Variants in XPO1 observed in about 807,000 individuals in gnomAD.
The protein encoded by XPO1 is exportin-1.
Under a neutral mutation model 133.3 loss-of-function variants are expected in XPO1, and 5 were observed. The observed-to-expected ratio is 0.04, with a 90% CI of 0.02 to 0.08. XPO1 has a LOEUF of 0.08. Among genes scored for constraint, XPO1 ranks in the 10% least tolerant of loss-of-function variants. The pLI is 1.00. For synonymous variants in XPO1, 419 were observed against 408.2 expected, an observed-to-expected ratio of 1.03 and a Z score of -0.32; for missense variants, 506 against 1,267.5, an observed-to-expected ratio of 0.40 and a Z score of 9.12.
intron 4 of XPO1, among the ~76,000 whole-genome samples, chr2:61,503,328 C>G (rs1697632923): frequency 6.6e-6 from 1 of 152,038 alleles, no homozygotes. Context: ...AATCTTGGTT[C>G]ACTGCAACCT....
At position 61,492,498 on chromosome 2, in the gene XPO1, T is replaced by C. The variant is rs755708963; in HGVS notation, c.1567-17A>G. 7 of 1,586,880 alleles carry C rather than the reference T, an allele frequency of 4.4e-6. No homozygotes were observed. The highest frequency in any genetic ancestry group is 6.0e-6 in the Non-Finnish European group (7 of 1,170,812). On this transcript the variant is annotated splice_polypyrimidine_tract_variant and intron_variant, in intron 14 of 24. Coordinates refer to ENST00000401558, the MANE Select transcript of XPO1 (RefSeq NM_003400.4). The surrounding 1 kb of genome is among the most constrained non-coding windows in gnomAD (Gnocchi z 5.6). ...TAATAGATCCTGTAAATAAGACAAA[T>C]TTGTATTATTTATTGTAACAACATA...
intron 24 of XPO1, chr2:61,480,629 A>T (rs1696300918): frequency 7.0e-6 from 1 of 143,850 alleles, no homozygotes; most frequent in Non-Finnish European, 1.5e-5. Flanking sequence ...TTTTTACAGT[A>T]AAAAAAAAAA....
intron 2 of XPO1, among the ~76,000 whole-genome samples, chr2:61,529,814 A>G (rs1699075357): frequency 6.6e-6 from 1 of 152,210 alleles, no homozygotes; most frequent in Non-Finnish European, 1.5e-5. Flanking sequence ...TACACACTCA[A>G]TAACTTATAT....
chr2:61,495,665 A>G, intron 10 of XPO1, 52 bp from the exon 11 acceptor site: 2 of 1,460,254 alleles, frequency 1.4e-6, no homozygotes, highest in Non-Finnish European at 1.8e-6. Flanking sequence ...ACAACTAAAG[A>G]CACTTAATAT....
rs746561639 is a variant in XPO1 at position 61,499,826 on chromosome 2, G to C, written c.477C>G (p.Thr159=). The C allele has an allele frequency of 9.3e-6, 15 of 1,613,116 alleles. 1 individual carries two copies. The highest frequency in any genetic ancestry group is 1.7e-4 in the Middle Eastern group (1 of 5,974). ...FISDIVGASR[T]SESLCQNNMV... ...TATTATTTTGACAGAGACTTTCGCT[G>C]GTCCTACTTGCTCCAACAATATCAC... The change falls in exon 7 of 25, where the codon ACC becomes ACG. Residue 159 remains threonine (T), a synonymous_variant. Transcript: ENST00000401558.
intron 4 of XPO1, among the ~76,000 whole-genome samples, chr2:61,520,637 T>C (rs1698645012): frequency 6.6e-6 from 1 of 152,170 alleles, no homozygotes; most frequent in South Asian, 2.1e-4. Flanking sequence ...AGAGTGAGAA[T>C]CTGTCTCAAC....
chr2:61,493,068 A>AT lies in XPO1; in HGVS notation c.1246-16dup, dbSNP rs756756311. The AT allele has an allele frequency of 3.2e-6, 5 of 1,552,984 alleles. No homozygotes were observed. The highest frequency in any genetic ancestry group is 4.3e-6 in the Non-Finnish European group (5 of 1,160,106). The stretch of plus-strand genomic sequence containing the variant: ...AATAAACGGACCTATACTCAACAAT[A>AT]TATCAATCAAGAAAAAAATCGTTAG... On this transcript the variant is annotated splice_polypyrimidine_tract_variant and intron_variant, in intron 12 of 24. Coordinates refer to ENST00000401558, the MANE Select transcript of XPO1 (RefSeq NM_003400.4).
In XPO1 at chr2:61,502,016, A is replaced by G. The variant is rs767711439; in HGVS notation, c.388T>C (p.Leu130=). ...CTTACCTGAACAAGGATCATATTTA[A>G]TTTTCCGATATACACCTTTTCTTTC... ...VEKEKVYIGK[L]NMILVQILKQ... The change falls in exon 6 of 25, where the codon TTA becomes CTA. Residue 130 remains leucine, a synonymous_variant. Transcript: ENST00000401558. 1.2e-6 allele frequency: 2 copies of G among 1,602,222 alleles called. No homozygotes were observed. The highest frequency in any genetic ancestry group is 1.7e-6 in the Non-Finnish European group (2 of 1,172,686).
Position 61,483,818 on chromosome 2 carries a change from T to C in XPO1, c.2677+119A>G, listed in dbSNP as rs1573104908. The C allele has an allele frequency of 4.1e-5, 47 of 1,144,138 alleles. No homozygotes were observed. In the East Asian group the frequency reaches 1.1e-3, roughly 28 times the overall value. The allele number at this position is 1,144,138 out of a possible 1,614,324, so 70.9% of individuals were successfully genotyped here. Reference sequence around the variant, plus strand: ...CTGCTTATAGGATTTTCTCAGATGTTCATATATGTAATTCACACACTCAAA... The same window carrying C: ...CTGCTTATAGGATTTTCTCAGATGTCCATATATGTAATTCACACACTCAAA... On this transcript the variant is annotated intron_variant, in intron 21 of 24. Transcript: ENST00000401558.
chr2:61,493,590 C>A, intron 12 of XPO1: 1 of 264,202 alleles, frequency 3.8e-6, no homozygotes, highest in Non-Finnish European at 7.2e-6. Flanking sequence ...ATTTTTTTAA[C>A]CAACTTCTGT....
intron 17 of XPO1, among the ~76,000 whole-genome samples, chr2:61,489,607 T>G (rs1696868642): frequency 6.6e-6 from 1 of 150,812 alleles, no homozygotes. Flanking sequence ...CAGGCTAGAG[T>G]GCAGCGGCGT....
chr2:61,493,884 GCT>G lies in XPO1; in HGVS notation c.1245+8_1245+9del, dbSNP rs755095536. ...CAACAGGAAGAACACTCAACCAACC[GCT>G]CTGTTACCTTGAATAACATGGGCAA... On this transcript the variant is annotated splice_region_variant and intron_variant, in intron 12 of 24. Transcript: ENST00000401558. The G allele has an allele frequency of 1.5e-5, 24 of 1,613,664 alleles. No homozygotes were observed. Among genetic ancestry groups the G allele is most frequent in the Non-Finnish European group, 2.0e-5 (24 of 1,179,838 alleles).
chr2:61,510,187 G>T (rs189288514), intron 4 of XPO1, among the ~76,000 whole-genome samples: 6 of 152,312 alleles, frequency 3.9e-5, no homozygotes, highest in African/African-American at 1.4e-4. Context: ...TGAGGCACAA[G>T]AATCGCTTCA....
intron 10 of XPO1, among the ~76,000 whole-genome samples, 178 bp from the exon 11 acceptor site, chr2:61,495,791 T>C (rs1441317765): frequency 2.0e-5 from 3 of 151,928 alleles, no homozygotes; most frequent in East Asian, 1.9e-4. Context: ...CCTCAGCCCC[T>C]CCCGAGTAGC....
At chr2:61,519,531 T>TAA (rs543883966) in intron 4 of XPO1, among the ~76,000 whole-genome samples, 54 of 122,260 alleles carry the variant, frequency 4.4e-4, no homozygotes, top group African/African-American at 1.5e-3. Context: ...CCATCTCTAC[T>TAA]AAAAAAAAAA....
At chr2:61,486,007 G>A in intron 19 of XPO1, 45 bp from the exon 20 acceptor site, 1 of 1,515,688 alleles carries the variant, frequency 6.6e-7, no homozygotes, top group Non-Finnish European at 9.0e-7. Flanking sequence ...TTAGGTACAT[G>A]GTGACTATTT....
Position 61,518,711 on chromosome 2 carries a change from G to T in XPO1, c.301+3900C>A, listed in dbSNP as rs566382816. On this transcript the variant is annotated intron_variant, in intron 4 of 24. Transcript: ENST00000401558. ...CAAGGAGCTTATAGTTTGAAGGATGGGGAATAAAGTGACTAAAACAGCCAA... is the reference window on the plus strand; with the variant it reads ...CAAGGAGCTTATAGTTTGAAGGATGTGGAATAAAGTGACTAAAACAGCCAA... Among the ~76,000 whole-genome samples the T allele has an allele frequency of 3.3e-5, 5 of 152,174 alleles. No individual in the cohort carries two copies. In the South Asian group the frequency reaches 1.0e-3, roughly 32 times the overall value.
chr2:61,514,594 A>T (rs927651787), intron 4 of XPO1, among the ~76,000 whole-genome samples: 5 of 90,412 alleles, frequency 5.5e-5, no homozygotes, highest in South Asian at 2.8e-4. Flanking sequence ...CTCTGTCTTT[A>T]AAAAAAAAAA....
chr2:61,526,234 C>T, intron 3 of XPO1, 186 bp downstream of exon 3: 4 of 1,394,692 alleles, frequency 2.9e-6, no homozygotes, highest in East Asian at 2.8e-5. Flanking sequence ...CATTACAAAA[C>T]TTCATTCATA....
Sources: gnomAD v4.1 joint callset for allele counts (sites outside exome capture counted in the v4.1 genomes callset) on GRCh38, gnomAD v4.1.1 for gene constraint, Gnocchi (gnomAD v3.1) non-coding constraint, MANE v1.5 for transcripts, NCBI Gene and HGNC (gene_info 2026-07-23, HGNC 2026-07-21) for gene names.